The following COL6A6 variants were observed in gnomAD, a reference collection of about 807,000 sequenced individuals.
COL6A6 encodes collagen alpha-6(VI) chain.
COL6A6 carries 183 observed loss-of-function variants against 208.6 expected under a neutral mutation model. The observed-to-expected ratio is 0.88, with a 90% CI of 0.78 to 0.99. The LOEUF (loss-of-function observed/expected upper bound fraction) is 0.99. COL6A6 is among the 50% of genes least tolerant of loss of function. The pLI is 0.00. For synonymous variants in COL6A6, 973 were observed against 1,011.8 expected (o/e 0.96, Z 0.73); for missense variants, 2,816 against 2,815.2 (o/e 1.00, Z -0.01).
chr3:130,635,724 C>G lies in COL6A6; in HGVS notation c.5054C>G (p.Pro1685Arg). 1.9e-6 allele frequency: 3 copies of G among 1,611,844 alleles called. No individual in the cohort carries two copies. Among genetic ancestry groups the G allele is most frequent in the East Asian group, 4.5e-5 (2 of 44,840 alleles). Reference protein sequence around the residue: ...PKGEIGDPGGPGETGLKGARG... With the variant: ...PKGEIGDPGGRGETGLKGARG... ...GGTGAGATTGGGGACCCTGGTGGTC[C>G]AGGAGAGACTGGGCTGAAGGGAGCT... Residue 1685 changes from proline (P) to arginine (R), a missense_variant, in exon 28 of 37, where the codon CCA becomes CGA. Coordinates refer to ENST00000358511, the MANE Select transcript of COL6A6 (RefSeq NM_001102608.3).
At chr3:130,648,978 A>T in intron 32 of COL6A6, 91 bp from the exon 33 acceptor site, 1 of 1,056,720 alleles carries the variant, frequency 9.5e-7, no homozygotes, top group Non-Finnish European at 1.3e-6. Context: ...TAAGTATTTG[A>T]ATGCTTAACA....
chr3:130,533,983 G>A lies in COL6A6; in HGVS notation c.-32+16586G>A, dbSNP rs77639480. On this transcript the variant is annotated intron_variant, in intron 1 of 36. Transcript: ENST00000358511. ...TTTAACCTCTGCATGAACATTAATAGTCTGCAATTTTTACGAACATATATT... is the reference window on the plus strand; with the variant it reads ...TTTAACCTCTGCATGAACATTAATAATCTGCAATTTTTACGAACATATATT... 6.0e-3 allele frequency among the ~76,000 whole-genome samples: 921 copies of A among 152,326 alleles called. 11 individuals are homozygous for A. Among genetic ancestry groups the A allele is most frequent in the East Asian group, 0.041 (211 of 5,194 alleles).
chr3:130,636,244 T>C (rs2065107578), intron 28 of COL6A6, among the ~76,000 whole-genome samples: 1 of 152,316 alleles, frequency 6.6e-6, no homozygotes, highest in Non-Finnish European at 1.5e-5. Context: ...GTTTGCTTAC[T>C]GTGTAACTGA....
At chr3:130,536,703 T>G (rs1349148455) in intron 1 of COL6A6, among the ~76,000 whole-genome samples, 1 of 151,294 alleles carries the variant, frequency 6.6e-6, no homozygotes, top group African/African-American at 2.4e-5. Flanking sequence ...GCAGCTGGAG[T>G]GGTGAGAGAG....
In COL6A6 at chr3:130,560,359, C is replaced by A; in HGVS notation, c.-6C>A. On this transcript the variant is annotated 5_prime_UTR_variant, in exon 2 of 37. Coordinates refer to ENST00000358511, the MANE Select transcript of COL6A6 (RefSeq NM_001102608.3). ...ATTTGAAGTTGAAGATTTTTCAGGT[C>A]ATAATATGATGTTGCTAATTTTGTT... 1.2e-6 allele frequency: 2 copies of A among 1,607,278 alleles called. No homozygotes were observed. Among genetic ancestry groups the A allele is most frequent in the South Asian group, 2.2e-5 (2 of 88,916 alleles).
chr3:130,662,192 T>C lies in COL6A6; in HGVS notation c.6386T>C (p.Leu2129Pro), dbSNP rs1381759573. 2 of 1,613,888 alleles carry C rather than the reference T, an allele frequency of 1.2e-6. No individual in the cohort carries two copies. The highest frequency in any genetic ancestry group is 2.7e-5 in the African/African-American group (2 of 74,926). The change falls in exon 35 of 37, where the codon CTG (leucine) becomes CCG (proline). Residue 2129 changes from leucine (L) to proline (P), a missense_variant. Physicochemically the swap from Leu to Pro is moderately conservative, Grantham distance 98. Coordinates refer to ENST00000358511, the MANE Select transcript of COL6A6 (RefSeq NM_001102608.3). ...SLGPIWDDKE[L>P]EDLASHPLDH... ...GGCCCTATTTGGGATGACAAGGAAC[T>C]GGAGGATCTCGCCAGCCACCCTTTG...
At chr3:130,586,416 T>C in intron 10 of COL6A6, 90 bp from the exon 11 acceptor site, 1 of 1,164,392 alleles carries the variant, frequency 8.6e-7, no homozygotes, top group East Asian at 2.4e-5. Context: ...CTTGCAGCTG[T>C]TCACTGAGAA....
chr3:130,568,334 T>A lies in COL6A6; in HGVS notation c.2131T>A (p.Tyr711Asn). ...TGSALSFVSQYFSPTKGARPN... is the reference protein window; with the variant it reads ...TGSALSFVSQNFSPTKGARPN... ...TAGTGCCCTGAGCTTTGTGTCTCAGTACTTCAGCCCCACCAAGGGCGCCCG... is the reference window on the plus strand; with the variant it reads ...TAGTGCCCTGAGCTTTGTGTCTCAGAACTTCAGCCCCACCAAGGGCGCCCG... The change falls in exon 6 of 37, where the codon TAC (tyrosine) becomes AAC (asparagine). Residue 711 changes from tyrosine to asparagine, a missense_variant. Physicochemically the swap from Tyr to Asn is moderately radical, Grantham distance 143. Coordinates refer to ENST00000358511, the MANE Select transcript of COL6A6 (RefSeq NM_001102608.3). 6.2e-7 allele frequency: 1 copy of A among 1,614,040 alleles called. No homozygotes were observed. The highest frequency in any genetic ancestry group is 8.5e-7 in the Non-Finnish European group (1 of 1,179,910).
chr3:130,621,095 A>T (rs1052581691), intron 23 of COL6A6, among the ~76,000 whole-genome samples: 1 of 152,202 alleles, frequency 6.6e-6, no homozygotes, highest in African/African-American at 2.4e-5. Flanking sequence ...TACTTCCATT[A>T]TATCTGATAG....
At chr3:130,664,941 G>A (rs1309793707) in intron 35 of COL6A6, 62 bp from the exon 36 acceptor site, 2 of 1,072,082 alleles carry the variant, frequency 1.9e-6, no homozygotes, top group Admixed American at 4.0e-5. Context: ...TGTGTACAGA[G>A]CAGATTGCAG....
intron 17 of COL6A6, among the ~76,000 whole-genome samples, chr3:130,593,737 G>A (rs1160153923): frequency 6.6e-6 from 1 of 152,172 alleles, no homozygotes; most frequent in Non-Finnish European, 1.5e-5. Context: ...AAGGACACAG[G>A]AATAGGGAGA....
intron 27 of COL6A6, among the ~76,000 whole-genome samples, chr3:130,635,118 C>G (rs1443077993): frequency 1.3e-5 from 2 of 152,010 alleles, no homozygotes; most frequent in African/African-American, 4.8e-5. Flanking sequence ...GCCTGTAGTC[C>G]CAGCTACTCA....
chr3:130,634,544 T>A, intron 26 of COL6A6, 46 bp from the exon 27 acceptor site: 1 of 1,540,572 alleles, frequency 6.5e-7, no homozygotes, highest in Non-Finnish European at 8.9e-7. Context: ...GTAGACTTCA[T>A]TGGGTGATGT....
intron 20 of COL6A6, among the ~76,000 whole-genome samples, chr3:130,604,412 G>T (rs570487478): frequency 7.9e-5 from 12 of 151,554 alleles, no homozygotes; most frequent in African/African-American, 2.9e-4. Context: ...GGAGAATGGC[G>T]TGAACCCGGG....
chr3:130,526,361 G>A (rs1272936901), intron 1 of COL6A6, among the ~76,000 whole-genome samples: 1 of 152,054 alleles, frequency 6.6e-6, no homozygotes, highest in Non-Finnish European at 1.5e-5. Context: ...TGGAGGGAAT[G>A]AGGAGAGTAA....
chr3:130,594,786 A>C (rs1576293101), intron 18 of COL6A6, among the ~76,000 whole-genome samples: 1 of 152,354 alleles, frequency 6.6e-6, no homozygotes, highest in East Asian at 1.9e-4. Context: ...TCATAGTTCC[A>C]CATGGCTGAG....
chr3:130,577,563 T>A (rs2107978181), intron 8 of COL6A6, among the ~76,000 whole-genome samples: 1 of 152,322 alleles, frequency 6.6e-6, no homozygotes, highest in Admixed American at 6.5e-5. Context: ...GTAGTAGAAC[T>A]AGCAACCTGC....
intron 19 of COL6A6, among the ~76,000 whole-genome samples, chr3:130,598,821 G>T (rs2063921818): frequency 6.6e-6 from 1 of 152,152 alleles, no homozygotes; most frequent in African/African-American, 2.4e-5. Context: ...ATTATAAAAA[G>T]AACAAGATCT....
intron 13 of COL6A6, among the ~76,000 whole-genome samples, chr3:130,591,873 C>T (rs192493094): frequency 2.4e-4 from 36 of 152,132 alleles, no homozygotes; most frequent in African/African-American, 6.0e-4. Context: ...AGTACTTGGG[C>T]AGACATTTGA....
Sources: allele counts gnomAD v4.1 joint callset (sites outside exome capture counted in the v4.1 genomes callset), GRCh38; gene constraint gnomAD v4.1.1; transcripts MANE v1.5; gene names NCBI Gene and HGNC (gene_info 2026-07-23, HGNC 2026-07-21).